Variants in ADPRHL1 observed in about 807,000 individuals in gnomAD.
ADPRHL1 encodes the protein inactive ADP-ribosyltransferase ARH2.
Under a neutral mutation model 44.1 loss-of-function variants are expected in ADPRHL1, and 43 were observed. The ratio of observed to expected loss-of-function variants is 0.98; its 90% confidence interval spans 0.76 to 1.26. The LOEUF is 1.26. ADPRHL1 is among the 50% of genes most tolerant of loss of function. The pLI is 0.00. For synonymous variants in ADPRHL1, 878 were observed against 1,017.4 expected (o/e 0.86, Z 2.61); for missense variants, 2,022 against 2,496.9 (o/e 0.81, Z 4.05).
In ADPRHL1 at chr13:113,433,864, G is replaced by A. The variant is rs1196930219; in HGVS notation, c.383C>T (p.Ser128Leu). ...AWHTPFNEKG[S>L]GFGAATKAMC... The stretch of plus-strand genomic sequence containing the variant: ...GGCCTTGGTGGCCGCTCCAAACCCT[G>A]AGCCTGTGTGGAGAAGGAAGAGCTA... Residue 128 changes from serine (S) to leucine (L), a missense_variant, in exon 3 of 8, where the codon TCA becomes TTA. Physicochemically the swap from Ser to Leu is moderately radical, Grantham distance 145. Around this residue, in one of 8 missense-constraint regions of ADPRHL1, gnomAD observed 437 missense variants for 430.7 expected, o/e 1.01. Transcript: ENST00000612156. The A allele has an allele frequency of 6.5e-7, 1 of 1,547,992 alleles. No homozygotes were observed. The highest frequency in any genetic ancestry group is 2.4e-5 in the East Asian group (1 of 41,216).
Position 113,406,236 on chromosome 13 carries a change from C to G in ADPRHL1, c.3046G>C (p.Gly1016Arg), listed in dbSNP as rs1050368577. The change falls in exon 8 of 8, where the codon GGA (glycine) becomes CGA (arginine). Residue 1016 changes from glycine (G) to arginine (R), a missense_variant. This residue lies in a region of ADPRHL1 where 1,221 missense variants were observed against 1,517.8 expected (regional missense o/e 0.80). Coordinates refer to ENST00000612156, the MANE Select transcript of ADPRHL1 (RefSeq NM_001394807.1). The part of the protein sequence containing the change: ...DPAASQNLLR[G>R]NTSHASSSQQ... ...CTGCTGGAGGCATGGCTGGTGTTTCCCCTCAGAAGGTTTTGTGAGGCTGCA... is the reference window on the plus strand; with the variant it reads ...CTGCTGGAGGCATGGCTGGTGTTTCGCCTCAGAAGGTTTTGTGAGGCTGCA... 10 of 1,232,112 alleles carry G rather than the reference C, an allele frequency of 8.1e-6. No individual in the cohort carries two copies. The African/African-American group carries it at 1.4e-4, about 17-fold the overall frequency. The allele number at this position is 1,232,112 out of a possible 1,614,324, so 76.3% of individuals were successfully genotyped here.
intron 1 of ADPRHL1, chr13:113,449,131 T>G (rs1254109410): frequency 1.0e-6 from 1 of 996,518 alleles, no homozygotes; most frequent in Non-Finnish European, 1.2e-6. Context: ...GTTCAGAGTC[T>G]GCTCTCGTGC....
In ADPRHL1 at chr13:113,441,346, T is replaced by C. The variant is rs2139645414; in HGVS notation, c.379+3079A>G. 6.6e-6 allele frequency among the ~76,000 whole-genome samples: 1 copy of C among 152,310 alleles called. No individual in the cohort carries two copies. Among genetic ancestry groups the C allele is most frequent in the East Asian group, 1.9e-4 (1 of 5,182 alleles). On this transcript the variant is annotated intron_variant, in intron 2 of 7. Transcript: ENST00000612156. This position sits in a 1 kb window ranked among gnomAD's most constrained non-coding sequence, Gnocchi z 6.0. The stretch of plus-strand genomic sequence containing the variant: ...CCTCCTTCCCCCTTTTCTGCCTTTT[T>C]TGGGTTGAATGTTTCTCAAGGGATT...
rs1292713643 is a variant in ADPRHL1, at chr13:113,453,402, G to A, written c.36C>T (p.Ser12=). 28 of 1,614,014 alleles carry A rather than the reference G, an allele frequency of 1.7e-5. No homozygotes were observed. The highest frequency in any genetic ancestry group is 2.7e-5 in the African/African-American group (2 of 74,920). ...TTCTGTAGCCAAGAGCATCGCCGAC[G>A]CTCCCCAGCAACATCGCAGCCTTAA... is the stretch of plus-strand genomic sequence containing the variant. ...EKFKAAMLLG[S]VGDALGYRNV... Residue 12 remains serine, a synonymous_variant, in exon 1 of 8, where the codon AGC becomes AGT. Coordinates refer to ENST00000612156, the MANE Select transcript of ADPRHL1 (RefSeq NM_001394807.1). This position sits in a 1 kb window ranked among gnomAD's most constrained non-coding sequence, Gnocchi z 5.4.
chr13:113,419,854 G>A (rs572615904), intron 7 of ADPRHL1, among the ~76,000 whole-genome samples: 1 of 152,336 alleles, frequency 6.6e-6, no homozygotes, highest in East Asian at 1.9e-4. Context: ...GAAATAGTGT[G>A]TGTGGCATAG....
At chr13:113,424,808 CCATG>C (rs373921818) in intron 5 of ADPRHL1, among the ~76,000 whole-genome samples, 3 of 15,084 alleles carry the variant, frequency 2.0e-4, no homozygotes, top group East Asian at 1.8e-3. Flanking sequence ...ACCCACCCAC[CCATG>C]CACCCATCCA....
At chr13:113,423,626 T>C (rs191612964) in intron 6 of ADPRHL1, among the ~76,000 whole-genome samples, 63 of 152,314 alleles carry the variant, frequency 4.1e-4, no homozygotes, top group African/African-American at 1.5e-3. Context: ...AGGCACAGGG[T>C]TGACCTTACG....
chr13:113,424,708 T>TCATC (rs1566472930), intron 5 of ADPRHL1, among the ~76,000 whole-genome samples: 1 of 2,652 alleles, frequency 3.8e-4, no homozygotes, highest in Non-Finnish European at 7.7e-4. Context: ...ATTCATCCAT[T>TCATC]TACCCACACA....
chr13:113,416,841 T>A (rs929384835), intron 7 of ADPRHL1, among the ~76,000 whole-genome samples: 6 of 152,200 alleles, frequency 3.9e-5, no homozygotes, highest in Non-Finnish European at 8.8e-5. Context: ...GGTGAGAGGA[T>A]ATAGGGTCGG....
At chr13:113,435,340 G>C (rs1157963666) in intron 2 of ADPRHL1, among the ~76,000 whole-genome samples, 17 of 105,194 alleles carry the variant, frequency 1.6e-4, no homozygotes, top group East Asian at 6.2e-4. Context: ...TATAGGTGTA[G>C]CCCGTGACCC....
chr13:113,442,196 C>T (rs758533371), intron 2 of ADPRHL1, among the ~76,000 whole-genome samples: 10 of 152,174 alleles, frequency 6.6e-5, no homozygotes, highest in African/African-American at 9.7e-5. Context: ...TGGCTCACAC[C>T]GTAATCTCAG....
rs541154687 is a variant in ADPRHL1, at chr13:113,404,980, G to A, written c.4302C>T (p.Gly1434=). 846 of 1,234,948 alleles carry A rather than the reference G, an allele frequency of 6.9e-4. No individual in the cohort carries two copies. Among genetic ancestry groups the A allele is most frequent in the East Asian group, 9.5e-4 (30 of 31,732 alleles). The allele number at this position is 1,234,948 out of a possible 1,614,324, so 76.5% of individuals were successfully genotyped here. A position where few individuals can be genotyped will look rare whatever the true frequency, so the allele number is the denominator to read the frequency against. ...GACCTTGGTCACTGCGCTGGCAGGC[G>A]CCCCCAACCCCAATGGCCATCCCTT... ...GDKGMAIGVG[G]ACQRSDQGQQ... Residue 1434 remains glycine (G), a synonymous_variant, in exon 8 of 8, where the codon GGC becomes GGT. Transcript: ENST00000612156.
rs778302083 is a variant in ADPRHL1 at position 113,433,830 on chromosome 13, G to T, written c.417C>A (p.Ile139=). Residue 139 remains isoleucine (I), a synonymous_variant, in exon 3 of 8, where the codon ATC becomes ATA. Coordinates refer to ENST00000612156, the MANE Select transcript of ADPRHL1 (RefSeq NM_001394807.1). ...GCTCAGGCTTCCAGTACCGCAGGCC[G>T]ATGCACATGGCCTTGGTGGCCGCTC... ...GFGAATKAMC[I]GLRYWKPERL... is the part of the protein sequence containing the mutation. 2 of 1,574,254 alleles carry T rather than the reference G, an allele frequency of 1.3e-6. No individual in the cohort carries two copies. Among genetic ancestry groups the T allele is most frequent in the East Asian group, 2.4e-5 (1 of 42,380 alleles).
intron 2 of ADPRHL1, among the ~76,000 whole-genome samples, chr13:113,440,278 A>G (rs940410544): frequency 6.6e-6 from 1 of 152,182 alleles, no homozygotes; most frequent in Non-Finnish European, 1.5e-5. Flanking sequence ...AAGATCTGTT[A>G]TTAGGTACAG....
At position 113,407,251 on chromosome 13, in the gene ADPRHL1, C is replaced by T; in HGVS notation, c.2031G>A (p.Glu677=). 1 of 1,232,148 alleles carries T rather than the reference C, an allele frequency of 8.1e-7. No individual in the cohort carries two copies. The highest frequency in any genetic ancestry group is 3.2e-5 in the East Asian group (1 of 31,704). The allele number at this position is 1,232,148 out of a possible 1,614,324, so 76.3% of individuals were successfully genotyped here. A position where few individuals can be genotyped will look rare whatever the true frequency, so the allele number is the denominator to read the frequency against. ...AGGGCCTTGGCTGTCTTTGGGGCTCCTCCTCCAGGGGCCCCTTTCCCACTG... is the reference window on the plus strand; with the variant it reads ...AGGGCCTTGGCTGTCTTTGGGGCTCTTCCTCCAGGGGCCCCTTTCCCACTG... ...NKAVGKGPLE[E]EPQRQPRPSK... Residue 677 remains glutamate, a synonymous_variant, in exon 8 of 8, where the codon GAG becomes GAA. Coordinates refer to ENST00000612156, the MANE Select transcript of ADPRHL1 (RefSeq NM_001394807.1).
At position 113,453,048 on chromosome 13, in the gene ADPRHL1, G is replaced by A. The variant is rs532838590; in HGVS notation, c.214+176C>T. ...AACCACAGGAGAAACGTGATCTGCCGCATATCAAATTTGAGGGACACTCAG... is the reference window on the plus strand; with the variant it reads ...AACCACAGGAGAAACGTGATCTGCCACATATCAAATTTGAGGGACACTCAG... On this transcript the variant is annotated intron_variant, in intron 1 of 7. Transcript: ENST00000612156. The surrounding 1 kb of genome is among the most constrained non-coding windows in gnomAD (Gnocchi z 5.4). 3.3e-5 allele frequency among the ~76,000 whole-genome samples: 5 copies of A among 152,262 alleles called. No homozygotes were observed. Among genetic ancestry groups the A allele is most frequent in the East Asian group, 1.9e-4 (1 of 5,184 alleles).
At chr13:113,430,287 G>T (rs1464258227) in intron 3 of ADPRHL1, among the ~76,000 whole-genome samples, 1 of 152,228 alleles carries the variant, frequency 6.6e-6, no homozygotes, top group Admixed American at 6.5e-5. Context: ...GGACAGTCCT[G>T]GAAATCCCGT....
At position 113,404,122 on chromosome 13, in the gene ADPRHL1, A is replaced by G. The variant is rs1403740294; in HGVS notation, c.5160T>C (p.Ala1720=). ...GGGCCTGTTCCCGAGCCCGTTCCTG[A>G]GCCCCTTTCTGGGCCTGTTCCCGAG... ...ERAREQAQKG[A]QERAREQAQK... The change falls in exon 8 of 8, where the codon GCT becomes GCC. Residue 1720 remains alanine, a synonymous_variant. Transcript: ENST00000612156. 13 of 682,740 alleles carry G rather than the reference A, an allele frequency of 1.9e-5. No homozygotes were observed. The African/African-American group carries it at 2.4e-4, about 12-fold the overall frequency. The allele number at this position is 682,740 out of a possible 1,614,324, so 42.3% of individuals were successfully genotyped here.
In ADPRHL1 at chr13:113,429,052, G is replaced by C; in HGVS notation, c.546C>G (p.Phe182Leu). ...GSLCTALFVS[F>L]AAQGKPLVQW... ...GGACCAGGGGCTTTCCTTGTGCGGC[G>C]AACGACACAAACAGGGCCGTGCACA... The change falls in exon 4 of 8, where the codon TTC becomes TTG. Residue 182 changes from phenylalanine (F) to leucine (L), a missense_variant. Phe to Leu is a conservative substitution (Grantham distance 22). Around this residue, in one of 8 missense-constraint regions of ADPRHL1, gnomAD observed 437 missense variants for 430.7 expected, o/e 1.01. Transcript: ENST00000612156. 7 of 1,612,614 alleles carry C rather than the reference G, an allele frequency of 4.3e-6. No individual in the cohort carries two copies. Among genetic ancestry groups the C allele is most frequent in the Non-Finnish European group, 5.9e-6 (7 of 1,179,892 alleles).
Sources: allele counts gnomAD v4.1 joint callset (sites outside exome capture counted in the v4.1 genomes callset), GRCh38; gene constraint gnomAD v4.1.1; regional missense constraint gnomAD v4.1.1; non-coding constraint Gnocchi (gnomAD v3.1); transcripts MANE v1.5; gene names NCBI Gene and HGNC (gene_info 2026-07-23, HGNC 2026-07-21).